CDH20: variants seen among roughly 807,000 people sequenced by gnomAD.
CDH20 encodes cadherin-20.
Under a neutral mutation model 74.2 loss-of-function variants are expected in CDH20, and 29 were observed. That is an observed-to-expected ratio of 0.39 (90% CI 0.29 to 0.53). CDH20 has a LOEUF of 0.53. Ranked by LOEUF, CDH20 falls within the 20% of genes least tolerant of loss-of-function variation. The probability of loss-of-function intolerance (pLI) is 0.69; values close to 1 mark genes in which losing one functional copy is unlikely to be tolerated. For synonymous variants in CDH20, 469 were observed against 405.4 expected (o/e 1.16, Z -1.88); for missense variants, 988 against 1,048.3 (o/e 0.94, Z 0.79).
At chr18:61,502,728 A>G (rs909859126) in intron 4 of CDH20, among the ~76,000 whole-genome samples, 1 of 152,170 alleles carries the variant, frequency 6.6e-6, no homozygotes, top group Non-Finnish European at 1.5e-5. Context: ...AGAAGAAACC[A>G]GCCCTCTGAG....
intron 1 of CDH20, among the ~76,000 whole-genome samples, chr18:61,483,547 G>A (rs993296013): frequency 6.6e-6 from 1 of 152,140 alleles, no homozygotes; most frequent in Non-Finnish European, 1.5e-5. Flanking sequence ...TGCTTCTGTT[G>A]CTGCTGCTGC....
chr18:61,383,850 T>C (rs926791707), intron 1 of CDH20, among the ~76,000 whole-genome samples: 1 of 152,070 alleles, frequency 6.6e-6, no homozygotes, highest in Non-Finnish European at 1.5e-5. Flanking sequence ...TCAGCCTCAG[T>C]GGAAGTTTCT....
intron 9 of CDH20, among the ~76,000 whole-genome samples, chr18:61,539,719 T>C (rs1912958968): frequency 6.6e-6 from 1 of 152,178 alleles, no homozygotes; most frequent in African/African-American, 2.4e-5. Flanking sequence ...TCTATATCTT[T>C]CCACCTCCCT....
At chr18:61,456,880 G>A (rs1909589067) in intron 1 of CDH20, among the ~76,000 whole-genome samples, 1 of 152,116 alleles carries the variant, frequency 6.6e-6, no homozygotes, top group Non-Finnish European at 1.5e-5. Flanking sequence ...TCCTCAAATG[G>A]TTGAGACAGA....
chr18:61,353,215 G>A lies in CDH20; in HGVS notation c.-153+19388G>A, dbSNP rs1910369260. ...AACAAAGCTCAGAGTTTTTAGCGTG[G>A]CATTAGTTTCTCCACCATCTACATC... On this transcript the variant is annotated intron_variant, in intron 1 of 11. Coordinates refer to ENST00000262717, the MANE Select transcript of CDH20 (RefSeq NM_031891.4). This position sits in a 1 kb window ranked among gnomAD's most constrained non-coding sequence, Gnocchi z 4.6. 6.6e-6 allele frequency among the ~76,000 whole-genome samples: 1 copy of A among 152,094 alleles called. No homozygotes were observed. Among genetic ancestry groups the A allele is most frequent in the Admixed American group, 6.5e-5 (1 of 15,268 alleles).
chr18:61,509,041 A>G (rs995559481), intron 6 of CDH20, among the ~76,000 whole-genome samples: 2 of 152,220 alleles, frequency 1.3e-5, no homozygotes, highest in African/African-American at 4.8e-5. Flanking sequence ...GTAAAGGCAT[A>G]AGAATGATAC....
chr18:61,467,520 C>G (rs1234015004), intron 1 of CDH20, among the ~76,000 whole-genome samples: 1 of 152,156 alleles, frequency 6.6e-6, no homozygotes, highest in Non-Finnish European at 1.5e-5. Context: ...CACTCCTGGC[C>G]AATAACTACC....
intron 1 of CDH20, among the ~76,000 whole-genome samples, chr18:61,420,924 G>A (rs1490029410): frequency 6.6e-6 from 1 of 152,100 alleles, no homozygotes; most frequent in South Asian, 2.1e-4. Flanking sequence ...CGTGTGGCGT[G>A]CCTGTAATCC....
intron 9 of CDH20, among the ~76,000 whole-genome samples, chr18:61,540,482 C>T (rs892522859): frequency 8.5e-5 from 13 of 152,116 alleles, no homozygotes; most frequent in Admixed American, 7.2e-4. Context: ...GCGAAAGGCA[C>T]ATCTTACATG....
At position 61,554,347 on chromosome 18, in the gene CDH20, C is replaced by G. The variant is rs546718463; in HGVS notation, c.2058C>G (p.Pro686=). ...EAFDIAAMWN[P]REAQAGAAPK... is the part of the protein sequence containing the mutation. ...TCGACATCGCGGCCATGTGGAACCC[C>G]CGGGAGGCGCAGGCGGGGGCCGCCC... The change falls in exon 12 of 12, where the codon CCC becomes CCG. Residue 686 remains proline, a synonymous_variant. Coordinates refer to ENST00000262717, the MANE Select transcript of CDH20 (RefSeq NM_031891.4). 6.2e-7 allele frequency: 1 copy of G among 1,613,424 alleles called. No homozygotes were observed. Among genetic ancestry groups the G allele is most frequent in the South Asian group, 1.1e-5 (1 of 91,064 alleles).
At chr18:61,499,648 C>A (rs1324549807) in intron 3 of CDH20, among the ~76,000 whole-genome samples, 168 bp downstream of exon 3, 1 of 152,080 alleles carries the variant, frequency 6.6e-6, no homozygotes, top group Non-Finnish European at 1.5e-5. Flanking sequence ...ACGACCAAGC[C>A]CTTTGGCTGG....
At chr18:61,365,680 T>C (rs1341040453) in intron 1 of CDH20, among the ~76,000 whole-genome samples, 3 of 152,184 alleles carry the variant, frequency 2.0e-5, no homozygotes, top group African/African-American at 7.2e-5. Flanking sequence ...TGTTATATTT[T>C]CCAATCCTAA....
intron 1 of CDH20, among the ~76,000 whole-genome samples, chr18:61,411,770 A>G (rs181119105): frequency 5.6e-4 from 86 of 152,234 alleles, no homozygotes; most frequent in African/African-American, 1.9e-3. Context: ...TGGAAAACCA[A>G]ATATCATATG....
chr18:61,509,706 T>C (rs1445317704), intron 6 of CDH20, among the ~76,000 whole-genome samples: 3 of 152,078 alleles, frequency 2.0e-5, no homozygotes, highest in Non-Finnish European at 4.4e-5. Flanking sequence ...GTAGGCTGTG[T>C]TGAGGTCAGG....
chr18:61,337,571 C>G (rs759871532), intron 1 of CDH20, among the ~76,000 whole-genome samples: 3 of 152,130 alleles, frequency 2.0e-5, no homozygotes, highest in Non-Finnish European at 4.4e-5. Context: ...GAAACAACCT[C>G]CTCTGTATTT....
intron 1 of CDH20, among the ~76,000 whole-genome samples, chr18:61,469,081 A>G (rs1910067152): frequency 6.6e-6 from 1 of 152,196 alleles, no homozygotes; most frequent in Non-Finnish European, 1.5e-5. Context: ...TCACAAAGCT[A>G]GGAAGGAACT....
chr18:61,479,131 T>C (rs1910498717), intron 1 of CDH20, among the ~76,000 whole-genome samples: 1 of 152,090 alleles, frequency 6.6e-6, no homozygotes, highest in Admixed American at 6.6e-5. Flanking sequence ...TTAATTCCTT[T>C]ATATTTATTT....
At chr18:61,348,948 C>T (rs1910220367) in intron 1 of CDH20, among the ~76,000 whole-genome samples, 1 of 152,140 alleles carries the variant, frequency 6.6e-6, no homozygotes, top group Admixed American at 6.5e-5. Context: ...GCACGAATAG[C>T]TAGATTTTGT....
chr18:61,516,052 A>T (rs1911992094), intron 6 of CDH20, among the ~76,000 whole-genome samples: 1 of 152,242 alleles, frequency 6.6e-6, no homozygotes, highest in African/African-American at 2.4e-5. Context: ...TTGCATGGGC[A>T]GTAACAACTA....
Sources: gnomAD v4.1 joint callset for allele counts (sites outside exome capture counted in the v4.1 genomes callset) on GRCh38, gnomAD v4.1.1 for gene constraint, Gnocchi (gnomAD v3.1) non-coding constraint, MANE v1.5 for transcripts, NCBI Gene and HGNC (gene_info 2026-07-23, HGNC 2026-07-21) for gene names.